Variants in PRIM2 observed in about 807,000 individuals in gnomAD.
PRIM2 encodes the protein DNA primase large subunit.
Under a neutral mutation model 67.3 loss-of-function variants are expected in PRIM2, and 39 were observed. That is an observed-to-expected ratio of 0.58 (90% confidence interval 0.45 to 0.76). PRIM2 has a LOEUF of 0.76. Ranked by LOEUF, PRIM2 falls within the 30% of genes least tolerant of loss-of-function variation. The probability of loss-of-function intolerance (pLI) is 0.00; values close to 1 mark genes in which losing one functional copy is unlikely to be tolerated. For missense variants in PRIM2, 398 were observed against 598.7 expected (o/e 0.66, Z 3.50); for synonymous variants, 143 against 198.7 (o/e 0.72, Z 2.36).
chr6:57,556,342 A>C (rs1440010409), intron 10 of PRIM2, among the ~76,000 whole-genome samples: 3 of 152,160 alleles, frequency 2.0e-5, no homozygotes, highest in Non-Finnish European at 2.9e-5. Flanking sequence ...AAGCAATCCT[A>C]AGCAAAAAGA....
At position 57,542,939 on chromosome 6, in the gene PRIM2, AT is replaced by A. The variant is rs1193756482; in HGVS notation, c.1020+5333del. ...GTTGGCTTAAAATACTGCTTATAGG[AT>A]TTTTTTTTTTTTTTTTTTGAGACGG... On this transcript the variant is annotated intron_variant, in intron 10 of 13. Transcript: ENST00000615550. Among the ~76,000 whole-genome samples, 478 of 71,908 alleles carry A rather than the reference AT, an allele frequency of 6.6e-3. 42 individuals carry two copies. The highest frequency in any genetic ancestry group is 0.026 in the African/African-American group (381 of 14,784). The allele number at this position is 71,908 out of a possible 152,430, so 47.2% of individuals were successfully genotyped here.
At chr6:57,567,351 A>G (rs1363092077) in intron 10 of PRIM2, among the ~76,000 whole-genome samples, 1 of 152,126 alleles carries the variant, frequency 6.6e-6, no homozygotes, top group Non-Finnish European at 1.5e-5. Context: ...ACATTACATG[A>G]GATATTTAAT....
the PRIM2 span, among the ~76,000 whole-genome samples, chr6:57,292,102 G>A: frequency 3.3e-5 from 5 of 152,154 alleles, no homozygotes; most frequent in Admixed American, 1.3e-4. Flanking sequence ...AAACCCCATC[G>A]TCTCGGCCCC....
At chr6:57,238,642 C>T in the PRIM2 span, among the ~76,000 whole-genome samples, 18,790 of 152,172 alleles carry the variant, frequency 0.12, 1,224 homozygotes, top group Middle Eastern at 0.22. Context: ...CCTAACATCA[C>T]AGTTAGAAGA....
intron 10 of PRIM2, among the ~76,000 whole-genome samples, chr6:57,595,848 C>G (rs1776356217): frequency 3.9e-5 from 6 of 152,004 alleles, no homozygotes; most frequent in Admixed American, 6.6e-5. Flanking sequence ...TTTTATGGAG[C>G]CTTCATCATA....
At chr6:57,640,370 T>C (rs1777208866) in intron 13 of PRIM2, among the ~76,000 whole-genome samples, 1 of 152,130 alleles carries the variant, frequency 6.6e-6, no homozygotes, top group Non-Finnish European at 1.5e-5. Flanking sequence ...CAACACAACA[T>C]TGGAAGTTCT....
chr6:57,363,762 G>A (rs1446149574), intron 5 of PRIM2, among the ~76,000 whole-genome samples: 1 of 152,104 alleles, frequency 6.6e-6, no homozygotes, highest in African/African-American at 2.4e-5. Flanking sequence ...TCCTGCTTGA[G>A]TTTCACCAGC....
At chr6:57,466,814 T>C (rs1773207522) in intron 7 of PRIM2, among the ~76,000 whole-genome samples, 1 of 152,212 alleles carries the variant, frequency 6.6e-6, no homozygotes, top group South Asian at 2.1e-4. Context: ...AGAAGCTCTT[T>C]AGTGTAATTA....
At chr6:57,248,374 A>G in the PRIM2 span, among the ~76,000 whole-genome samples, 2 of 152,174 alleles carry the variant, frequency 1.3e-5, no homozygotes, top group Non-Finnish European at 2.9e-5. Context: ...TTTAACTTTC[A>G]TTTAATAGTG....
chr6:57,358,096 C>T (rs1769092415), intron 5 of PRIM2, among the ~76,000 whole-genome samples: 1 of 152,184 alleles, frequency 6.6e-6, no homozygotes, highest in African/African-American at 2.4e-5. Context: ...CCAGAAGATA[C>T]ATTACTTAAG....
At chr6:57,627,152 G>A (rs1262772596) in intron 12 of PRIM2, among the ~76,000 whole-genome samples, 5 of 149,780 alleles carry the variant, frequency 3.3e-5, no homozygotes, top group Admixed American at 6.7e-5. Context: ...GTTATGGTGC[G>A]CATCTGTAAT....
In PRIM2 at chr6:57,600,843, A is replaced by G. The variant is rs1776450961; in HGVS notation, c.1021-250A>G. ...AGATTTTCTTTATCTTTAAACGTAT[A>G]GGTAACATTAGCTATCTTCTACCTG... On this transcript the variant is annotated intron_variant, in intron 10 of 13. Transcript: ENST00000615550. Among the ~76,000 whole-genome samples, 5 of 152,360 alleles carry G rather than the reference A, an allele frequency of 3.3e-5. No homozygotes were observed. The South Asian group carries it at 1.0e-3, about 32-fold the overall frequency.
intron 7 of PRIM2, among the ~76,000 whole-genome samples, chr6:57,427,216 T>C (rs6459223): frequency 0.038 from 5,787 of 152,296 alleles, 353 homozygotes; most frequent in African/African-American, 0.13. Flanking sequence ...TTTTCCAGAT[T>C]TCATAAGTAT....
the PRIM2 span, among the ~76,000 whole-genome samples, chr6:57,254,858 G>A: frequency 3.3e-5 from 5 of 152,154 alleles, no homozygotes; most frequent in African/African-American, 9.7e-5. Context: ...TCAGATCTTA[G>A]TTATAGATTA....
At chr6:57,398,042 C>T (rs1770582680) in intron 7 of PRIM2, among the ~76,000 whole-genome samples, 1 of 151,584 alleles carries the variant, frequency 6.6e-6, no homozygotes, top group Non-Finnish European at 1.5e-5. Flanking sequence ...TCACTGCAGC[C>T]TCTGCCTCCC....
At chr6:57,454,554 A>G (rs2127392657) in intron 7 of PRIM2, among the ~76,000 whole-genome samples, 1 of 152,280 alleles carries the variant, frequency 6.6e-6, no homozygotes, top group South Asian at 2.1e-4. Flanking sequence ...CATTTCTTCT[A>G]GATTCTCTAG....
At chr6:57,457,755 C>T (rs1461543265) in intron 7 of PRIM2, among the ~76,000 whole-genome samples, 1 of 152,176 alleles carries the variant, frequency 6.6e-6, no homozygotes, top group African/African-American at 2.4e-5. Flanking sequence ...AATGCCTGGC[C>T]CTGCCTCGGC....
At chr6:57,551,240 C>T (rs1222135729) in intron 10 of PRIM2, among the ~76,000 whole-genome samples, 33 of 152,100 alleles carry the variant, frequency 2.2e-4, no homozygotes, top group Non-Finnish European at 3.5e-4. Context: ...TTTAATAGTG[C>T]GATTGTTGTT....
At chr6:57,399,581 G>T (rs1444395632) in intron 7 of PRIM2, among the ~76,000 whole-genome samples, 1 of 152,164 alleles carries the variant, frequency 6.6e-6, no homozygotes, top group Non-Finnish European at 1.5e-5. Flanking sequence ...GGGTCAAATG[G>T]TATTTCTAGT....
Sources: gnomAD v4.1 joint callset for allele counts (sites outside exome capture counted in the v4.1 genomes callset) on GRCh38, gnomAD v4.1.1 for gene constraint, MANE v1.5 for transcripts, NCBI Gene and HGNC (gene_info 2026-07-23, HGNC 2026-07-21) for gene names.